The following CR1L variants were observed in gnomAD, a reference collection of about 807,000 sequenced individuals.
The protein encoded by CR1L is complement component receptor 1-like protein.
CR1L carries 59 observed loss-of-function variants against 62.3 expected under a neutral mutation model. The observed-to-expected ratio is 0.95, with a 90% CI of 0.77 to 1.18. The LOEUF is 1.18. Among genes scored for constraint, CR1L ranks in the 50% most tolerant of loss-of-function variants. The pLI is 0.00. For synonymous variants in CR1L, 279 were observed against 248.7 expected (o/e 1.12, Z -1.15); for missense variants, 700 against 702.8 (o/e 1.00, Z 0.04).
intron 9 of CR1L, among the ~76,000 whole-genome samples, chr1:207,706,680 A>G (rs957526044): frequency 2.6e-5 from 4 of 152,244 alleles, no homozygotes; most frequent in African/African-American, 7.2e-5. Context: ...CTGTTGAGCC[A>G]AGCTAATATT....
rs187966135 is a variant in CR1L at position 207,671,803 on chromosome 1, C to T, written c.98-5586C>T. 1.2e-3 allele frequency among the ~76,000 whole-genome samples: 185 copies of T among 150,762 alleles called. 8 individuals carry two copies. Among genetic ancestry groups the T allele is most frequent in the African/African-American group, 4.5e-3 (182 of 40,154 alleles). On this transcript the variant is annotated intron_variant, in intron 1 of 11. Transcript: ENST00000508064. ...GGGCATGATGGTGGGTGCCTGTAAT[C>T]CCAGCTACTCAGGAGGCTGAGGCAG... is the stretch of plus-strand genomic sequence containing the variant.
At chr1:207,702,372 A>AG (rs1664206890) in intron 9 of CR1L, among the ~76,000 whole-genome samples, 1 of 152,188 alleles carries the variant, frequency 6.6e-6, no homozygotes, top group Non-Finnish European at 1.5e-5. Flanking sequence ...CTAATCCCTG[A>AG]ACACAATAAT....
At chr1:207,655,693 C>T (rs1294419699) in intron 1 of CR1L, among the ~76,000 whole-genome samples, 3 of 152,158 alleles carry the variant, frequency 2.0e-5, no homozygotes, top group African/African-American at 4.8e-5. Flanking sequence ...CCCCGTGGGC[C>T]TCCCAAAGTG....
intron 1 of CR1L, among the ~76,000 whole-genome samples, chr1:207,670,308 C>T (rs1307980776): frequency 2.0e-5 from 3 of 151,228 alleles, no homozygotes; most frequent in African/African-American, 4.9e-5. Context: ...AGCCCCAGAA[C>T]ATGCAATGTA....
At chr1:207,659,667 A>G (rs979635715) in intron 1 of CR1L, among the ~76,000 whole-genome samples, 6 of 152,192 alleles carry the variant, frequency 3.9e-5, no homozygotes, top group Non-Finnish European at 7.3e-5. Context: ...CAGTGGATGC[A>G]GCCCATGGAG....
chr1:207,683,412 C>T (rs1663836405), intron 3 of CR1L, among the ~76,000 whole-genome samples: 1 of 152,124 alleles, frequency 6.6e-6, no homozygotes, highest in Non-Finnish European at 1.5e-5. Flanking sequence ...GCTGGGATTA[C>T]AGGCGTGAGC....
chr1:207,701,449 G>C, intron 8 of CR1L, 70 bp from the exon 9 acceptor site: 5 of 1,585,686 alleles, frequency 3.2e-6, no homozygotes, highest in Non-Finnish European at 4.3e-6. Context: ...CTACATGCAG[G>C]TTGAGACCTT....
At chr1:207,694,147 T>C (rs1374821848) in intron 4 of CR1L, among the ~76,000 whole-genome samples, 1 of 152,178 alleles carries the variant, frequency 6.6e-6, no homozygotes, top group Non-Finnish European at 1.5e-5. Flanking sequence ...AGTTAATAAA[T>C]GCATGCAAAT....
intron 10 of CR1L, chr1:207,710,795 C>T: frequency 6.3e-7 from 1 of 1,581,106 alleles, no homozygotes. Flanking sequence ...GTGTGTTTGC[C>T]TGAGGCCTAG....
rs763500234 is a variant in CR1L, at chr1:207,701,636, T to C, written c.1328+18T>C. 6.2e-6 allele frequency: 10 copies of C among 1,613,332 alleles called. No individual in the cohort carries two copies. In the Admixed American group the frequency reaches 1.5e-4, roughly 24 times the overall value. ...ACTACAGGGTGAGTTGGCAGCAACATCTCTTGGTTCCAGAGTTCCAGCACA... is the reference window on the plus strand; with the variant it reads ...ACTACAGGGTGAGTTGGCAGCAACACCTCTTGGTTCCAGAGTTCCAGCACA... On this transcript the variant is annotated intron_variant, in intron 9 of 11. Transcript: ENST00000508064.
chr1:207,671,297 A>C (rs1389164528), intron 1 of CR1L, among the ~76,000 whole-genome samples: 1 of 151,012 alleles, frequency 6.6e-6, no homozygotes, highest in Non-Finnish European at 1.5e-5. Flanking sequence ...AGGATCACTG[A>C]AAAGGGAGAA....
intron 9 of CR1L, among the ~76,000 whole-genome samples, chr1:207,704,452 T>A (rs1008414824): frequency 6.6e-6 from 1 of 152,248 alleles, no homozygotes; most frequent in African/African-American, 2.4e-5. Flanking sequence ...GCAGCAGCAG[T>A]ATCTGGGAGG....
intron 1 of CR1L, among the ~76,000 whole-genome samples, chr1:207,661,289 G>A (rs1209141440): frequency 6.6e-6 from 1 of 152,174 alleles, no homozygotes; most frequent in Non-Finnish European, 1.5e-5. Flanking sequence ...AAGTCTCTTT[G>A]TAGGTCACTA....
At chr1:207,681,298 C>T (rs1663792313) in intron 3 of CR1L, among the ~76,000 whole-genome samples, 1 of 152,168 alleles carries the variant, frequency 6.6e-6, no homozygotes, top group African/African-American at 2.4e-5. Context: ...ATGGCTTTTC[C>T]TGAACCATGG....
At chr1:207,705,381 A>G (rs1226529962) in intron 9 of CR1L, among the ~76,000 whole-genome samples, 2 of 152,206 alleles carry the variant, frequency 1.3e-5, no homozygotes, top group African/African-American at 2.4e-5. Context: ...CCCTTTGAAA[A>G]TGTCAAGTGT....
At chr1:207,707,278 G>T (rs1158602367) in intron 9 of CR1L, among the ~76,000 whole-genome samples, 1 of 152,182 alleles carries the variant, frequency 6.6e-6, no homozygotes, top group Non-Finnish European at 1.5e-5. Flanking sequence ...TTTATTCATT[G>T]CTTTCTCCTC....
chr1:207,704,706 T>C (rs1424235277), intron 9 of CR1L, among the ~76,000 whole-genome samples: 1 of 152,234 alleles, frequency 6.6e-6, no homozygotes, highest in Non-Finnish European at 1.5e-5. Context: ...GGTCAGATAA[T>C]CTTTAGCATT....
chr1:207,645,496 T>C (rs918872759), intron 1 of CR1L, among the ~76,000 whole-genome samples, 166 bp downstream of exon 1: 1 of 152,132 alleles, frequency 6.6e-6, no homozygotes, highest in African/African-American at 2.4e-5. Flanking sequence ...CGGGGGTATG[T>C]GGCGGGGGAT....
rs773605265 is a variant in CR1L at position 207,708,183 on chromosome 1, G to A, written c.1334G>A (p.Arg445Gln). ...TTTCCATTTTTTGCCTTTAGGCACCGACTCATTGGTCACTCATCTGCTGAA... is the reference window on the plus strand; with the variant it reads ...TTTCCATTTTTTGCCTTTAGGCACCAACTCATTGGTCACTCATCTGCTGAA... ...RINYSCTTGH[R>Q]LIGHSSAECI... The change falls in exon 10 of 12, where the codon CGA becomes CAA. Residue 445 changes from arginine to glutamine, a missense_variant. Transcript: ENST00000508064. 3.0e-5 allele frequency: 49 copies of A among 1,611,168 alleles called. No homozygotes were observed. The highest frequency in any genetic ancestry group is 3.7e-5 in the Non-Finnish European group (44 of 1,179,380).
Sources: gnomAD v4.1 joint callset for allele counts (sites outside exome capture counted in the v4.1 genomes callset) on GRCh38, gnomAD v4.1.1 for gene constraint, MANE v1.5 for transcripts, NCBI Gene and HGNC (gene_info 2026-07-23, HGNC 2026-07-21) for gene names.